Variants in KIF1B observed in about 807,000 individuals in gnomAD.
KIF1B encodes the protein kinesin family member 1B.
Under a neutral mutation model 241.9 loss-of-function variants are expected in KIF1B, and 76 were observed. That is an observed-to-expected ratio of 0.31 (90% CI 0.26 to 0.38). The LOEUF is 0.38. KIF1B is among the 10% of genes least tolerant of loss of function. The pLI is 1.00. For synonymous variants in KIF1B, 750 were observed against 796.7 expected (o/e 0.94, Z 0.99); for missense variants, 1,622 against 2,271.4 (o/e 0.71, Z 5.81).
At chr1:10,335,005 CAT>C (rs778877287) in intron 28 of KIF1B, among the ~76,000 whole-genome samples, 5 of 150,980 alleles carry the variant, frequency 3.3e-5, no homozygotes, top group Non-Finnish European at 7.4e-5. Context: ...ATGGTGCAAT[CAT>C]ATCTCACTGC....
At chr1:10,232,761 G>A (rs955317488) in intron 2 of KIF1B, among the ~76,000 whole-genome samples, 6 of 152,180 alleles carry the variant, frequency 3.9e-5, no homozygotes, top group African/African-American at 1.4e-4. Context: ...TATACCTATC[G>A]AGGCTGCAAG....
rs768426472 is a variant in KIF1B, at chr1:10,295,712, C to T, written c.1723C>T (p.His575Tyr). Reference sequence around the variant, plus strand: ...CCAGGACATAGTGCTGAGCGGGGCTCACATTAAAGAAGAGCATTGTATCTT... The same window carrying T: ...CCAGGACATAGTGCTGAGCGGGGCTTACATTAAAGAAGAGCATTGTATCTT... ...RRQDIVLSGAHIKEEHCIFRS... is the reference protein window; with the variant it reads ...RRQDIVLSGAYIKEEHCIFRS... Residue 575 changes from histidine (H) to tyrosine (Y), a missense_variant, in exon 19 of 49, where the codon CAC (histidine) becomes TAC (tyrosine). By Grantham distance (83) the His-to-Tyr change is moderately conservative (BLOSUM62 2). Around this residue, in one of 7 missense-constraint regions of KIF1B, gnomAD observed 57 missense variants for 149.0 expected, o/e 0.38. Coordinates refer to ENST00000676179, the MANE Select transcript of KIF1B (RefSeq NM_001365951.3). The T allele has an allele frequency of 1.9e-6, 3 of 1,613,844 alleles. No homozygotes were observed. Among genetic ancestry groups the T allele is most frequent in the East Asian group, 2.2e-5 (1 of 44,884 alleles).
At chr1:10,370,676 CAAT>C (rs1051406949) in intron 44 of KIF1B, among the ~76,000 whole-genome samples, 3 of 133,292 alleles carry the variant, frequency 2.3e-5, no homozygotes, top group Non-Finnish European at 4.8e-5. Context: ...ATAATGACAA[CAAT>C]AATAATAATG....
intron 17 of KIF1B, 128 bp from the exon 18 acceptor site, chr1:10,294,958 G>C: frequency 1.3e-6 from 1 of 742,628 alleles, no homozygotes; most frequent in South Asian, 1.4e-5. Context: ...CGCAACTAGG[G>C]ATAAAAAGAA....
chr1:10,307,541 C>T (rs1569786545), intron 22 of KIF1B: 1 of 649,090 alleles, frequency 1.5e-6, no homozygotes, highest in East Asian at 8.9e-5. Flanking sequence ...AATTCCTAAC[C>T]TCAGGTGATC....
intron 22 of KIF1B, chr1:10,307,845 A>G: frequency 1.9e-6 from 2 of 1,043,842 alleles, no homozygotes; most frequent in Non-Finnish European, 2.3e-6. Context: ...TTCCTTGGAG[A>G]GTTAAAGACA....
intron 2 of KIF1B, among the ~76,000 whole-genome samples, chr1:10,252,988 G>A (rs1446467221): frequency 1.3e-5 from 2 of 152,128 alleles, no homozygotes; most frequent in African/African-American, 2.4e-5. Context: ...GCCTCCCAAA[G>A]TACTGGGATT....
At position 10,337,623 on chromosome 1, in the gene KIF1B, A is replaced by G. The variant is rs964844657; in HGVS notation, c.3422+90A>G. ...GTAGAGTGCTTTACATGTGTGAGGG[A>G]TTAACACTCTTGAGACAAAGACTGA... On this transcript the variant is annotated intron_variant, in intron 31 of 48. Coordinates refer to ENST00000676179, the MANE Select transcript of KIF1B (RefSeq NM_001365951.3). The surrounding 1 kb of genome is among the most constrained non-coding windows in gnomAD (Gnocchi z 4.0). 4 of 1,375,294 alleles carry G rather than the reference A, an allele frequency of 2.9e-6. No individual in the cohort carries two copies. Among genetic ancestry groups the G allele is most frequent in the African/African-American group, 2.9e-5 (2 of 70,106 alleles). The allele number at this position is 1,375,294 out of a possible 1,614,324, so 85.2% of individuals were successfully genotyped here.
intron 2 of KIF1B, among the ~76,000 whole-genome samples, chr1:10,237,344 G>A (rs1647070028): frequency 1.3e-5 from 2 of 152,172 alleles, no homozygotes; most frequent in Admixed American, 6.6e-5. Flanking sequence ...TAGGTTATTT[G>A]TGTAAACCTG....
In KIF1B at chr1:10,326,067, C is replaced by G; in HGVS notation, c.2676-44C>G. 1.2e-6 allele frequency: 2 copies of G among 1,612,338 alleles called. No homozygotes were observed. The highest frequency in any genetic ancestry group is 1.7e-6 in the Non-Finnish European group (2 of 1,179,898). Reference sequence around the variant, plus strand: ...TTGCTTCCTGTTTAACCAACTATTCCTCTCTCCCTGGCTGTGTTAATTGGC... The same window carrying G: ...TTGCTTCCTGTTTAACCAACTATTCGTCTCTCCCTGGCTGTGTTAATTGGC... On this transcript the variant is annotated intron_variant, in intron 26 of 48. Transcript: ENST00000676179. This position sits in a 1 kb window ranked among gnomAD's most constrained non-coding sequence, Gnocchi z 5.2.
chr1:10,287,426 C>T (rs1255831672), intron 15 of KIF1B, among the ~76,000 whole-genome samples: 1 of 152,122 alleles, frequency 6.6e-6, no homozygotes, highest in Non-Finnish European at 1.5e-5. Flanking sequence ...GAACTCTTGT[C>T]TCTGGTCCAG....
At chr1:10,284,082 G>A (rs571600899) in intron 15 of KIF1B, among the ~76,000 whole-genome samples, 16 of 152,256 alleles carry the variant, frequency 1.1e-4, no homozygotes, top group African/African-American at 3.4e-4. Flanking sequence ...TACTTCAAAA[G>A]TACAGTGTGG....
At chr1:10,276,275 T>A (rs1330166146) in intron 11 of KIF1B, 46 bp from the exon 12 acceptor site, 2 of 1,283,192 alleles carry the variant, frequency 1.6e-6, no homozygotes, top group Admixed American at 3.4e-5. Flanking sequence ...ATAAAATTTT[T>A]CTTCTAAAAT....
intron 44 of KIF1B, among the ~76,000 whole-genome samples, chr1:10,370,581 T>TAAGAAG (rs1321732483): frequency 2.1e-4 from 28 of 132,154 alleles, no homozygotes; most frequent in African/African-American, 7.3e-4. Flanking sequence ...AAAATAATAA[T>TAAGAAG]AATAATAATA....
rs768158211 is a variant in KIF1B, at chr1:10,374,500, A to G, written c.5096+35A>G. ...ATATTGAGCAGGAATGCCAGCTATAAAAAACAAATCCACAGGAAGAAGTGA... is the reference window on the plus strand; with the variant it reads ...ATATTGAGCAGGAATGCCAGCTATAGAAAACAAATCCACAGGAAGAAGTGA... On this transcript the variant is annotated intron_variant, in intron 46 of 48. Transcript: ENST00000676179. This position sits in a 1 kb window ranked among gnomAD's most constrained non-coding sequence, Gnocchi z 4.3. 6.2e-7 allele frequency: 1 copy of G among 1,610,740 alleles called. No individual in the cohort carries two copies. Among genetic ancestry groups the G allele is most frequent in the Middle Eastern group, 1.7e-4 (1 of 6,034 alleles).
intron 23 of KIF1B, 138 bp from the exon 24 acceptor site, chr1:10,321,571 C>T: frequency 2.3e-6 from 2 of 869,782 alleles, no homozygotes; most frequent in Non-Finnish European, 3.7e-6. Flanking sequence ...GTAAGCTTTA[C>T]TAAAAAGAAA....
intron 2 of KIF1B, among the ~76,000 whole-genome samples, chr1:10,234,724 A>G (rs1160822409): frequency 2.6e-5 from 4 of 151,234 alleles, no homozygotes; most frequent in African/African-American, 7.3e-5. Context: ...GGGACTCACT[A>G]TATTGTGTAG....
chr1:10,316,285 C>T (rs1651302278), intron 22 of KIF1B, among the ~76,000 whole-genome samples: 1 of 151,348 alleles, frequency 6.6e-6, no homozygotes, highest in South Asian at 2.1e-4. Flanking sequence ...CTTCCTGTTG[C>T]ATCACATCAG....
At chr1:10,372,428 C>T (rs1166643402) in intron 45 of KIF1B, among the ~76,000 whole-genome samples, 2 of 151,650 alleles carry the variant, frequency 1.3e-5, no homozygotes, top group Non-Finnish European at 2.9e-5. Context: ...TCCAGCTACT[C>T]AGGAGGCTCA....
Sources: gnomAD v4.1 joint callset for allele counts (sites outside exome capture counted in the v4.1 genomes callset) on GRCh38, gnomAD v4.1.1 for gene constraint, gnomAD v4.1.1 regional missense constraint, Gnocchi (gnomAD v3.1) non-coding constraint, MANE v1.5 for transcripts, NCBI Gene and HGNC (gene_info 2026-07-23, HGNC 2026-07-21) for gene names.